Variants in ANKRD44 observed in about 807,000 individuals in gnomAD.
ANKRD44 encodes serine/threonine-protein phosphatase 6 regulatory ankyrin repeat subunit B.
Under a neutral mutation model 116.0 loss-of-function variants are expected in ANKRD44, and 35 were observed. The observed-to-expected ratio is 0.30, with a 90% CI of 0.23 to 0.40. ANKRD44 has a LOEUF of 0.40. Ranked by LOEUF, ANKRD44 falls within the 10% of genes least tolerant of loss-of-function variation. ANKRD44 has a pLI of 1.00. For missense variants in ANKRD44, 1,014 were observed against 1,242.6 expected, an observed-to-expected ratio of 0.82 and a Z score of 2.77; for synonymous variants, 435 against 461.8, an observed-to-expected ratio of 0.94 and a Z score of 0.74.
At chr2:197,015,091 G>T in intron 17 of ANKRD44, 1 of 249,640 alleles carries the variant, frequency 4.0e-6, no homozygotes, top group South Asian at 5.3e-5. Context: ...CAGGTTGTGT[G>T]GTAATAAAAG....
chr2:197,186,720 C>A (rs1472909845), intron 2 of ANKRD44, among the ~76,000 whole-genome samples: 2 of 138,232 alleles, frequency 1.4e-5, no homozygotes, highest in African/African-American at 2.6e-5. Flanking sequence ...CTCAGCCTCC[C>A]AAAATTCTGG....
chr2:197,273,127 G>A (rs1038814833), intron 1 of ANKRD44, among the ~76,000 whole-genome samples: 13 of 152,078 alleles, frequency 8.5e-5, no homozygotes, highest in African/African-American at 2.7e-4. Context: ...TCAAAGGCCC[G>A]AGGCCCAAGG....
chr2:197,269,136 A>G (rs2082822985), intron 1 of ANKRD44, among the ~76,000 whole-genome samples: 1 of 152,074 alleles, frequency 6.6e-6, no homozygotes, highest in Non-Finnish European at 1.5e-5. Context: ...ATGAAGATAT[A>G]TACTTATTAA....
At chr2:197,294,509 C>T (rs577481290) in intron 1 of ANKRD44, among the ~76,000 whole-genome samples, 6 of 152,124 alleles carry the variant, frequency 3.9e-5, no homozygotes, top group Non-Finnish European at 8.8e-5. Flanking sequence ...GAGTCAGATG[C>T]TCTTTATAAT....
At chr2:197,266,619 G>A (rs1004149264) in intron 1 of ANKRD44, among the ~76,000 whole-genome samples, 2 of 150,754 alleles carry the variant, frequency 1.3e-5, no homozygotes, top group African/African-American at 4.9e-5. Flanking sequence ...CATCTAGTAT[G>A]GGCATGCAAG....
chr2:197,193,586 A>G (rs1254875279), intron 1 of ANKRD44, among the ~76,000 whole-genome samples: 1 of 152,200 alleles, frequency 6.6e-6, no homozygotes, highest in African/African-American at 2.4e-5. Context: ...TGTGTTTAAA[A>G]AATAACGTAA....
intron 21 of ANKRD44, among the ~76,000 whole-genome samples, chr2:197,002,812 C>T (rs1009674465): frequency 1.5e-4 from 23 of 152,296 alleles, no homozygotes; most frequent in African/African-American, 5.1e-4. Context: ...TTTTGCTTTG[C>T]AACACAGATT....
At chr2:197,301,527 G>T (rs1003774028) in intron 1 of ANKRD44, 3 of 152,106 alleles carry the variant, frequency 2.0e-5, no homozygotes, top group African/African-American at 7.2e-5. Context: ...CAGAAAATAG[G>T]ACAATATGTG....
chr2:197,007,656 A>G (rs545570935), intron 20 of ANKRD44, 150 bp downstream of exon 20: 2 of 597,660 alleles, frequency 3.3e-6, no homozygotes, highest in African/African-American at 1.9e-5. Context: ...TGGACTGAAT[A>G]AGGTTAATTG....
intron 16 of ANKRD44, among the ~76,000 whole-genome samples, chr2:197,048,554 G>A (rs531673563): frequency 6.6e-6 from 1 of 152,298 alleles, no homozygotes; most frequent in Admixed American, 6.5e-5. Flanking sequence ...ATTCCATGGT[G>A]TATATGTGCC....
intron 2 of ANKRD44, among the ~76,000 whole-genome samples, chr2:197,167,508 G>T (rs754357753): frequency 6.6e-6 from 1 of 152,080 alleles, no homozygotes; most frequent in African/African-American, 2.4e-5. Context: ...AATCATCGAA[G>T]ACTTCCCAGA....
At chr2:197,131,402 A>C (rs1037525387) in intron 4 of ANKRD44, among the ~76,000 whole-genome samples, 1 of 152,002 alleles carries the variant, frequency 6.6e-6, no homozygotes, top group Non-Finnish European at 1.5e-5. Context: ...CATGTTAGCC[A>C]GGATGGTCTC....
At chr2:197,123,828 T>C (rs2078915135) in intron 6 of ANKRD44, among the ~76,000 whole-genome samples, 1 of 152,136 alleles carries the variant, frequency 6.6e-6, no homozygotes, top group South Asian at 2.1e-4. Context: ...AAAATTTGAC[T>C]CTTTTCTCTC....
chr2:197,303,186 G>C (rs1218586800), intron 1 of ANKRD44, among the ~76,000 whole-genome samples: 1 of 152,170 alleles, frequency 6.6e-6, no homozygotes, highest in East Asian at 1.9e-4. Context: ...AAACACACTT[G>C]GGAGAAAATC....
chr2:197,154,335 A>C (rs1023091161), intron 2 of ANKRD44, among the ~76,000 whole-genome samples: 4 of 151,184 alleles, frequency 2.6e-5, no homozygotes, highest in Admixed American at 1.3e-4. Context: ...GCCCGCTACC[A>C]CGCCCGGCTA....
At chr2:197,065,953 T>A (rs1342477354) in intron 16 of ANKRD44, among the ~76,000 whole-genome samples, 1 of 152,180 alleles carries the variant, frequency 6.6e-6, no homozygotes, top group Admixed American at 6.5e-5. Context: ...GCCAGCATCA[T>A]CCTGATACCA....
chr2:197,010,155 C>T (rs1292296864), intron 18 of ANKRD44, among the ~76,000 whole-genome samples: 3 of 151,998 alleles, frequency 2.0e-5, no homozygotes, highest in Admixed American at 6.5e-5. Flanking sequence ...TCTCCCAGGT[C>T]GTTTTACATT....
Position 196,989,515 on chromosome 2 carries a change from C to CAT in ANKRD44, c.*75_*76insAT. On this transcript the variant is annotated 3_prime_UTR_variant, in exon 28 of 28. Coordinates refer to ENST00000282272, the MANE Select transcript of ANKRD44 (RefSeq NM_001195144.2). ...GTGTAGCTGGCTGATGAACTACACA[C>CAT]ACACACACATATATATATATATACA... The CAT allele has an allele frequency of 6.8e-7, 1 of 1,470,050 alleles. No individual in the cohort carries two copies. The highest frequency in any genetic ancestry group is 9.0e-7 in the Non-Finnish European group (1 of 1,106,122). The allele number at this position is 1,470,050 out of a possible 1,614,324, so 91.1% of individuals were successfully genotyped here.
At chr2:197,193,278 C>A (rs533195659) in intron 1 of ANKRD44, among the ~76,000 whole-genome samples, 1 of 152,074 alleles carries the variant, frequency 6.6e-6, no homozygotes, top group Non-Finnish European at 1.5e-5. Context: ...TCTTTAATAC[C>A]ACTAGTTATC....
Sources: gnomAD v4.1 joint callset for allele counts (sites outside exome capture counted in the v4.1 genomes callset) on GRCh38, gnomAD v4.1.1 for gene constraint, MANE v1.5 for transcripts, NCBI Gene and HGNC (gene_info 2026-07-23, HGNC 2026-07-21) for gene names.